RTL4: variants seen among roughly 807,000 people sequenced by gnomAD.
RTL4 encodes retrotransposon Gag-like protein 4.
In RTL4, 4 loss-of-function variants were observed where a neutral mutation model predicts 5.3. That is an observed-to-expected ratio of 0.75 (90% CI 0.37 to 1.72). RTL4 has a LOEUF of 1.72. RTL4 is among the 40% of genes most tolerant of loss of function. The pLI is 0.04. For synonymous variants in RTL4, 98 were observed against 87.3 expected (o/e 1.12, Z -0.68); for missense variants, 260 against 227.1 (o/e 1.14, Z -0.93).
chrX:112,243,693 T>C, the RTL4 span, among the ~76,000 whole-genome samples: 1 of 111,836 alleles, frequency 8.9e-6, no homozygotes, highest in African/African-American at 3.3e-5. Flanking sequence ...TGTCTCTATC[T>C]CCTTCAGTTC....
the RTL4 span, among the ~76,000 whole-genome samples, chrX:112,285,873 C>T: frequency 1.2e-4 from 13 of 111,531 alleles, no homozygotes; most frequent in Admixed American, 1.2e-3. Context: ...GTTGTCTTCA[C>T]CCATGCCTGC....
chrX:112,180,955 T>C, the RTL4 span, among the ~76,000 whole-genome samples: 1 of 111,793 alleles, frequency 8.9e-6, no homozygotes, highest in East Asian at 2.8e-4. Context: ...AGGCAGGTGA[T>C]TTCCGCATTT....
chrX:112,187,097 C>T, the RTL4 span, among the ~76,000 whole-genome samples: 2 of 112,051 alleles, frequency 1.8e-5, no homozygotes, highest in African/African-American at 6.5e-5. Context: ...CTCTGGGATC[C>T]AGTAACTACG....
chrX:112,330,289 G>T, the RTL4 span, among the ~76,000 whole-genome samples: 1 of 106,433 alleles, frequency 9.4e-6, no homozygotes, highest in Admixed American at 1.0e-4. Flanking sequence ...ATCTCCTTAG[G>T]CTGATAAGCA....
At chrX:112,455,808 T>C (rs976081566) in exon 1 of RTL4, 2 of 556,430 alleles carry the variant, frequency 3.6e-6, no homozygotes, top group Non-Finnish European at 5.5e-6. Flanking sequence ...ATTTAAACAA[T>C]CAGATCTTGT....
the RTL4 span, among the ~76,000 whole-genome samples, chrX:112,432,329 T>C: frequency 1.1e-5 from 1 of 89,832 alleles, no homozygotes; most frequent in African/African-American, 4.4e-5. Context: ...ATGGTCGAAC[T>C]AGTTTACAGT....
the RTL4 span, among the ~76,000 whole-genome samples, chrX:112,268,483 C>A: frequency 1.3e-3 from 144 of 111,647 alleles, 1 homozygote; most frequent in Non-Finnish European, 6.8e-4. Context: ...ACTCCCAAAT[C>A]TCTATTTTCA....
At chrX:112,224,428 G>A in the RTL4 span, among the ~76,000 whole-genome samples, 2 of 108,682 alleles carry the variant, frequency 1.8e-5, no homozygotes, top group African/African-American at 6.7e-5. Flanking sequence ...TGCAACCTCC[G>A]CCTCCCAGGT....
At chrX:112,171,077 T>C in the RTL4 span, among the ~76,000 whole-genome samples, 1 of 112,353 alleles carries the variant, frequency 8.9e-6, no homozygotes, top group Non-Finnish European at 1.9e-5. Context: ...GAACCAATCT[T>C]GCATCCCAGG....
At chrX:112,091,807 A>G in the RTL4 span, among the ~76,000 whole-genome samples, 88 of 111,073 alleles carry the variant, frequency 7.9e-4, no homozygotes, top group African/African-American at 2.8e-3. Context: ...GTCTTCATCT[A>G]TCTATTATTG....
the RTL4 span, among the ~76,000 whole-genome samples, chrX:112,163,830 C>T: frequency 5.4e-5 from 6 of 111,469 alleles, no homozygotes; most frequent in Non-Finnish European, 1.1e-4. Flanking sequence ...ATGGTAGTTC[C>T]CTTGAAAACA....
the RTL4 span, among the ~76,000 whole-genome samples, chrX:112,175,975 A>G: frequency 4.0e-4 from 44 of 110,614 alleles, no homozygotes; most frequent in African/African-American, 1.5e-3. Flanking sequence ...TATATCTAGA[A>G]AACCCCATTG....
chrX:112,454,589 A>AGTGT lies in RTL4; in HGVS notation c.-139_-136dup, dbSNP rs1178333520. ...TCCAATTCAGCTGTTAGCATCTCCT[A>AGTGT]GTGTCTTCTTCACAGCTAACAGCTT... On this transcript the variant is annotated 5_prime_UTR_variant, in exon 1 of 1. Coordinates refer to ENST00000340433, the Ensembl canonical transcript of RTL4. The AGTGT allele has an allele frequency of 1.1e-5, 6 of 541,694 alleles. No individual in the cohort carries two copies. The African/African-American group carries it at 1.4e-4, about 13-fold the overall frequency. 44.6% of individuals were successfully genotyped at this position (541,694 alleles called of 1,213,427 possible). A position where few individuals can be genotyped will look rare whatever the true frequency, so the allele number is the denominator to read the frequency against.
chrX:112,224,489 G>A, the RTL4 span, among the ~76,000 whole-genome samples: 1 of 109,484 alleles, frequency 9.1e-6, no homozygotes, highest in Non-Finnish European at 1.9e-5. Flanking sequence ...TTACAGGTAT[G>A]TGCCACCATG....
chrX:112,392,569 T>C, the RTL4 span, among the ~76,000 whole-genome samples: 2 of 110,572 alleles, frequency 1.8e-5, no homozygotes, highest in Non-Finnish European at 3.8e-5. Context: ...ATCAGAGATC[T>C]GCTTTAAAAA....
At chrX:112,409,252 A>T in the RTL4 span, among the ~76,000 whole-genome samples, 104 of 112,282 alleles carry the variant, frequency 9.3e-4, no homozygotes, top group African/African-American at 3.2e-3. Context: ...AAATAGAAAC[A>T]ACCAAAAGTT....
the RTL4 span, among the ~76,000 whole-genome samples, chrX:112,416,616 C>A: frequency 1.8e-5 from 2 of 111,559 alleles, no homozygotes; most frequent in Non-Finnish European, 1.9e-5. Context: ...CTTGCATTCT[C>A]GTGTACAATG....
the RTL4 span, among the ~76,000 whole-genome samples, chrX:112,448,757 C>A: frequency 3.6e-5 from 4 of 111,769 alleles, no homozygotes; most frequent in African/African-American, 1.3e-4. Context: ...TCCTTTGGAG[C>A]CAGTTATTTA....
the RTL4 span, among the ~76,000 whole-genome samples, chrX:112,310,894 T>G: frequency 1.0e-5 from 1 of 95,602 alleles, no homozygotes; most frequent in South Asian, 4.3e-4. Flanking sequence ...GTATGTATTA[T>G]TTTTATATAT....
Sources: gnomAD v4.1 joint callset for allele counts (sites outside exome capture counted in the v4.1 genomes callset) on GRCh38, gnomAD v4.1.1 for gene constraint, MANE v1.5 for transcripts, NCBI Gene and HGNC (gene_info 2026-07-23, HGNC 2026-07-21) for gene names.